LRRTM4: variants seen among roughly 807,000 people sequenced by gnomAD.
LRRTM4 encodes leucine-rich repeat transmembrane neuronal protein 4.
LRRTM4 carries 25 observed loss-of-function variants against 47.6 expected under a neutral mutation model. The ratio of observed to expected loss-of-function variants is 0.53; its 90% CI spans 0.38 to 0.73. The LOEUF is 0.73. Among genes scored for constraint, LRRTM4 ranks in the 30% least tolerant of loss-of-function variants. LRRTM4 has a pLI of 0.00. For missense variants in LRRTM4, 638 were observed against 713.4 expected, an observed-to-expected ratio of 0.89 and a Z score of 1.20; for synonymous variants, 311 against 269.5, an observed-to-expected ratio of 1.15 and a Z score of -1.51.
At chr2:77,090,209 C>G (rs921086671) in intron 3 of LRRTM4, among the ~76,000 whole-genome samples, 11 of 152,120 alleles carry the variant, frequency 7.2e-5, no homozygotes, top group African/African-American at 2.7e-4. Flanking sequence ...GCAATTTACT[C>G]TTAAAAAGGT....
chr2:76,999,881 G>A (rs1257936014), intron 3 of LRRTM4, among the ~76,000 whole-genome samples: 1 of 152,100 alleles, frequency 6.6e-6, no homozygotes, highest in Non-Finnish European at 1.5e-5. Context: ...TTTTTAGGTG[G>A]TTTTCATTCT....
At chr2:77,255,746 A>T (rs1001930988) in intron 3 of LRRTM4, among the ~76,000 whole-genome samples, 2 of 152,100 alleles carry the variant, frequency 1.3e-5, no homozygotes, top group African/African-American at 4.8e-5. Flanking sequence ...TTACATGTCA[A>T]TATATGTGGT....
intron 3 of LRRTM4, among the ~76,000 whole-genome samples, chr2:76,998,664 T>C (rs1027665381): frequency 6.7e-6 from 1 of 149,986 alleles, no homozygotes; most frequent in African/African-American, 2.5e-5. Context: ...GTGTATCCCG[T>C]TGGAGAGAAA....
chr2:76,894,778 T>A (rs557086177), intron 3 of LRRTM4, among the ~76,000 whole-genome samples: 1 of 151,918 alleles, frequency 6.6e-6, no homozygotes, highest in African/African-American at 2.4e-5. Flanking sequence ...TGTATATTTA[T>A]CACATATAAT....
intron 3 of LRRTM4, among the ~76,000 whole-genome samples, chr2:77,359,645 G>C (rs1672102968): frequency 2.0e-5 from 3 of 152,182 alleles, no homozygotes; most frequent in Non-Finnish European, 2.9e-5. Flanking sequence ...TTGCACAGTA[G>C]GAAAAGCTGA....
chr2:77,238,406 CAG>C (rs1675167800), intron 3 of LRRTM4, among the ~76,000 whole-genome samples: 1 of 152,032 alleles, frequency 6.6e-6, no homozygotes, highest in Non-Finnish European at 1.5e-5. Flanking sequence ...TTGTCTGCCA[CAG>C]AGAGGGGACA....
intron 3 of LRRTM4, among the ~76,000 whole-genome samples, chr2:76,962,009 C>A (rs927084262): frequency 1.1e-4 from 16 of 151,098 alleles, no homozygotes; most frequent in African/African-American, 3.9e-4. Flanking sequence ...CAATATAGGT[C>A]ATATACCTTG....
At chr2:76,880,012 T>TG (rs1672883986) in intron 3 of LRRTM4, among the ~76,000 whole-genome samples, 1 of 152,250 alleles carries the variant, frequency 6.6e-6, no homozygotes, top group Admixed American at 6.5e-5. Flanking sequence ...AATGAGGAGA[T>TG]GCTCCTAATG....
intron 3 of LRRTM4, among the ~76,000 whole-genome samples, chr2:77,295,853 T>TA (rs375857531): frequency 2.6e-5 from 4 of 152,296 alleles, no homozygotes; most frequent in African/African-American, 9.6e-5. Context: ...TTTAAAGACT[T>TA]AGTCTCCAAA....
At chr2:77,107,371 A>G (rs181529819) in intron 3 of LRRTM4, among the ~76,000 whole-genome samples, 1 of 152,374 alleles carries the variant, frequency 6.6e-6, no homozygotes, top group East Asian at 1.9e-4. Context: ...AGAACGTCAG[A>G]GAATCTTTTA....
At chr2:76,972,802 T>C (rs1439365617) in intron 3 of LRRTM4, among the ~76,000 whole-genome samples, 2 of 152,012 alleles carry the variant, frequency 1.3e-5, no homozygotes, top group South Asian at 2.1e-4. Context: ...CCTAAACTCA[T>C]GGCATTTGAA....
rs562783182 is a variant in LRRTM4, at chr2:77,111,103, T to TTTTTG, written c.1552-362192_1552-362188dup. Among the ~76,000 whole-genome samples the TTTTTG allele has an allele frequency of 2.2e-4, 33 of 151,946 alleles. 1 individual carries two copies. In the South Asian group the frequency reaches 6.0e-3, roughly 28 times the overall value. On this transcript the variant is annotated intron_variant, in intron 3 of 3. Transcript: ENST00000409884. ...GAAAGGAAGTACAGTAATTCCCTGTTTTTTGTTTTGTTTTGTTTTGTTTTG... is the reference window on the plus strand; with the variant it reads ...GAAAGGAAGTACAGTAATTCCCTGTTTTTTGTTTTGTTTTGTTTTGTTTTGTTTTG...
intron 3 of LRRTM4, among the ~76,000 whole-genome samples, chr2:77,057,874 G>T (rs1319235114): frequency 6.6e-6 from 1 of 152,098 alleles, no homozygotes; most frequent in Non-Finnish European, 1.5e-5. Flanking sequence ...ATAACCCAGA[G>T]ATTCATGAAA....
intron 3 of LRRTM4, among the ~76,000 whole-genome samples, chr2:77,302,012 A>G (rs1003298394): frequency 1.3e-5 from 2 of 152,204 alleles, no homozygotes; most frequent in Non-Finnish European, 2.9e-5. Context: ...ACTATTTTAG[A>G]CATAGTTTCT....
intron 3 of LRRTM4, among the ~76,000 whole-genome samples, chr2:76,809,954 G>A (rs1176380736): frequency 2.6e-5 from 4 of 151,948 alleles, no homozygotes; most frequent in Non-Finnish European, 5.9e-5. Flanking sequence ...CTCCTGCCCT[G>A]ACCAACCTAT....
chr2:76,762,178 A>G (rs1482841592), intron 3 of LRRTM4, among the ~76,000 whole-genome samples: 6 of 152,146 alleles, frequency 3.9e-5, no homozygotes, highest in Non-Finnish European at 8.8e-5. Flanking sequence ...CTCCATCACT[A>G]CAGAGCATTA....
intron 3 of LRRTM4, among the ~76,000 whole-genome samples, chr2:77,427,577 G>A (rs996300224): frequency 6.6e-6 from 1 of 152,194 alleles, no homozygotes; most frequent in Non-Finnish European, 1.5e-5. Context: ...AAGTTTTAGA[G>A]CAATATGAGT....
At chr2:77,393,466 G>A (rs1673582963) in intron 3 of LRRTM4, among the ~76,000 whole-genome samples, 1 of 151,980 alleles carries the variant, frequency 6.6e-6, no homozygotes, top group Non-Finnish European at 1.5e-5. Context: ...ATCCTTCCAG[G>A]CAAAAGGATG....
At chr2:76,768,560 G>A (rs1440689604) in intron 3 of LRRTM4, among the ~76,000 whole-genome samples, 1 of 151,992 alleles carries the variant, frequency 6.6e-6, no homozygotes, top group Non-Finnish European at 1.5e-5. Context: ...AATTTCTATG[G>A]CTAATTGAGA....
Sources: gnomAD v4.1 joint callset for allele counts (sites outside exome capture counted in the v4.1 genomes callset) on GRCh38, gnomAD v4.1.1 for gene constraint, MANE v1.5 for transcripts, NCBI Gene and HGNC (gene_info 2026-07-23, HGNC 2026-07-21) for gene names.